The following EEPD1 variants were observed in gnomAD, a reference collection of about 807,000 sequenced individuals.
EEPD1 encodes endonuclease/exonuclease/phosphatase family domain containing 1.
A neutral mutation model predicts 46.3 loss-of-function variants in EEPD1; 17 were observed. The ratio of observed to expected loss-of-function variants is 0.37; its 90% confidence interval spans 0.25 to 0.55. EEPD1 has a LOEUF of 0.55. Ranked by LOEUF, EEPD1 falls within the 20% of genes least tolerant of loss-of-function variation. The pLI is 0.83. For synonymous variants in EEPD1, 313 were observed against 315.6 expected (o/e 0.99, Z 0.09); for missense variants, 673 against 745.6 (o/e 0.90, Z 1.13).
intron 3 of EEPD1, among the ~76,000 whole-genome samples, chr7:36,260,491 G>A (rs975890193): frequency 1.3e-5 from 2 of 152,162 alleles, no homozygotes; most frequent in African/African-American, 2.4e-5. Context: ...TACTGAGTGT[G>A]GTATTTCACT....
intron 2 of EEPD1, among the ~76,000 whole-genome samples, chr7:36,188,839 A>C (rs774573865): frequency 6.6e-6 from 1 of 152,154 alleles, no homozygotes; most frequent in Admixed American, 6.5e-5. Flanking sequence ...GAGTAAATGA[A>C]TGCTTATGAG....
intron 2 of EEPD1, among the ~76,000 whole-genome samples, chr7:36,231,548 G>T (rs1786329044): frequency 6.6e-6 from 1 of 152,126 alleles, no homozygotes; most frequent in Non-Finnish European, 1.5e-5. Context: ...GAACCCAGGA[G>T]AGTCTCAGGA....
At chr7:36,181,640 T>C (rs1051810771) in intron 2 of EEPD1, among the ~76,000 whole-genome samples, 2 of 152,064 alleles carry the variant, frequency 1.3e-5, no homozygotes, top group Admixed American at 6.6e-5. Context: ...AGTGAGGATA[T>C]AAAGGTGTAG....
intron 2 of EEPD1, among the ~76,000 whole-genome samples, chr7:36,168,615 G>A (rs1167060714): frequency 6.6e-6 from 1 of 151,896 alleles, no homozygotes; most frequent in African/African-American, 2.4e-5. Flanking sequence ...AAAATTAGCT[G>A]GGCATAGTGG....
chr7:36,196,064 C>T (rs1392043004), intron 2 of EEPD1, among the ~76,000 whole-genome samples: 3 of 152,142 alleles, frequency 2.0e-5, no homozygotes, highest in African/African-American at 7.2e-5. Context: ...AATATTATAA[C>T]TGTAACACTA....
At chr7:36,186,064 T>C (rs1785356021) in intron 2 of EEPD1, among the ~76,000 whole-genome samples, 1 of 152,210 alleles carries the variant, frequency 6.6e-6, no homozygotes, top group South Asian at 2.1e-4. Flanking sequence ...GTATATTTCT[T>C]TTGCAGGTTT....
At chr7:36,209,897 T>C (rs1313661308) in intron 2 of EEPD1, among the ~76,000 whole-genome samples, 2 of 152,092 alleles carry the variant, frequency 1.3e-5, no homozygotes, top group African/African-American at 4.8e-5. Context: ...ACGAGATTTG[T>C]TGGGGGGCAA....
chr7:36,243,400 CCTTT>C (rs1786587689), intron 3 of EEPD1, among the ~76,000 whole-genome samples: 1 of 151,604 alleles, frequency 6.6e-6, no homozygotes. Context: ...CCTGCGTCTT[CCTTT>C]GATTAAGAAA....
chr7:36,197,417 C>G (rs1418829798), intron 2 of EEPD1, among the ~76,000 whole-genome samples: 2 of 152,192 alleles, frequency 1.3e-5, no homozygotes, highest in Non-Finnish European at 2.9e-5. Context: ...GAGGTGTACC[C>G]AACAGCTCAT....
chr7:36,223,431 C>G (rs758680851), intron 2 of EEPD1, among the ~76,000 whole-genome samples: 5 of 152,090 alleles, frequency 3.3e-5, no homozygotes, highest in Non-Finnish European at 5.9e-5. Flanking sequence ...ATCCCCCACC[C>G]CTAGAGCCAG....
intron 2 of EEPD1, among the ~76,000 whole-genome samples, chr7:36,204,308 T>C (rs752714018): frequency 3.0e-4 from 45 of 152,086 alleles, no homozygotes; most frequent in Non-Finnish European, 5.7e-4. Context: ...AGCACTGGGA[T>C]TATAGTTGGG....
At chr7:36,174,215 C>T (rs1785139475) in intron 2 of EEPD1, among the ~76,000 whole-genome samples, 1 of 152,208 alleles carries the variant, frequency 6.6e-6, no homozygotes, top group Non-Finnish European at 1.5e-5. Context: ...CCCACGCTTA[C>T]CTCCTTAATA....
chr7:36,275,662 A>G (rs538079229), intron 3 of EEPD1, among the ~76,000 whole-genome samples: 19 of 152,110 alleles, frequency 1.2e-4, no homozygotes, highest in Admixed American at 2.0e-4. Flanking sequence ...GAGTTTCACC[A>G]TGTTGGTCAG....
chr7:36,181,877 C>G (rs2540664), intron 2 of EEPD1, among the ~76,000 whole-genome samples: 146,705 of 152,270 alleles, frequency 0.96, 70,925 homozygotes, highest in East Asian at 1. Flanking sequence ...GAGAGGGCAG[C>G]ATGACAGGAC....
At chr7:36,219,810 T>A (rs1465824419) in intron 2 of EEPD1, among the ~76,000 whole-genome samples, 4 of 117,456 alleles carry the variant, frequency 3.4e-5, no homozygotes, top group African/African-American at 1.2e-4. Flanking sequence ...AGAGAGAGTG[T>A]GTGTGTGTGT....
intron 2 of EEPD1, among the ~76,000 whole-genome samples, chr7:36,188,038 C>T (rs190101327): frequency 2.0e-5 from 3 of 152,126 alleles, no homozygotes; most frequent in Non-Finnish European, 4.4e-5. Context: ...CCTCGTGATC[C>T]GCCTGCCTCG....
rs1303939869 is a variant in EEPD1, at chr7:36,154,634, G to A, written c.310G>A (p.Gly104Ser). ...GTTTGAGATCTGTGTGAGCAGCAAG[G>A]GCAGCTCAGCGCAGCACTCTCCCAG... ...VKFEICVSSK[G>S]SSAQHSPSSL... is the part of the protein sequence containing the mutation. Residue 104 changes from glycine to serine, a missense_variant, in exon 2 of 8, where the codon GGC becomes AGC. Coordinates refer to ENST00000242108, the MANE Select transcript of EEPD1 (RefSeq NM_030636.3). This position sits in a 1 kb window ranked among gnomAD's most constrained non-coding sequence, Gnocchi z 4.2. 1 of 1,613,816 alleles carries A rather than the reference G, an allele frequency of 6.2e-7. No homozygotes were observed. The highest frequency in any genetic ancestry group is 1.3e-5 in the African/African-American group (1 of 74,910).
chr7:36,213,269 G>T (rs1443389072), intron 2 of EEPD1, among the ~76,000 whole-genome samples: 1 of 152,222 alleles, frequency 6.6e-6, no homozygotes, highest in African/African-American at 2.4e-5. Context: ...ACTGGCACTG[G>T]TGGCTTTTTA....
intron 2 of EEPD1, among the ~76,000 whole-genome samples, chr7:36,231,955 G>C (rs975424245): frequency 1.3e-5 from 2 of 152,174 alleles, no homozygotes; most frequent in African/African-American, 2.4e-5. Flanking sequence ...AATCAGGACA[G>C]TTATATAACA....
Sources: gnomAD v4.1 joint callset for allele counts (sites outside exome capture counted in the v4.1 genomes callset) on GRCh38, gnomAD v4.1.1 for gene constraint, Gnocchi (gnomAD v3.1) non-coding constraint, MANE v1.5 for transcripts, NCBI Gene and HGNC (gene_info 2026-07-23, HGNC 2026-07-21) for gene names.